DPP10: variants seen among roughly 807,000 people sequenced by gnomAD.
DPP10 encodes dipeptidyl peptidase like 10.
DPP10 carries 33 observed loss-of-function variants against 120.9 expected under a neutral mutation model. The observed-to-expected ratio is 0.27, with a 90% CI of 0.21 to 0.37. The LOEUF is 0.37. Among genes scored for constraint, DPP10 ranks in the 10% least tolerant of loss-of-function variants. DPP10 has a pLI of 1.00. For missense variants in DPP10, 816 were observed against 942.8 expected (o/e 0.87, Z 1.76); for synonymous variants, 337 against 326.1 (o/e 1.03, Z -0.36).
chr2:115,561,813 G>T (rs1352082861), intron 5 of DPP10, among the ~76,000 whole-genome samples: 1 of 152,036 alleles, frequency 6.6e-6, no homozygotes, highest in African/African-American at 2.4e-5. Flanking sequence ...TATATTTGGG[G>T]GTTTAAATAA....
intron 19 of DPP10, among the ~76,000 whole-genome samples, chr2:115,814,374 C>G (rs937288099): frequency 1.3e-5 from 2 of 152,000 alleles, no homozygotes; most frequent in Non-Finnish European, 2.9e-5. Context: ...ATAACTGGTT[C>G]TGCCCTTCAG....
At chr2:115,025,410 A>G (rs7564424) in intron 1 of DPP10, among the ~76,000 whole-genome samples, 2,152 of 152,238 alleles carry the variant, frequency 0.014, 55 homozygotes, top group African/African-American at 0.047. Context: ...CCATTGATGG[A>G]CACTTAAGTT....
chr2:115,348,906 G>A (rs1054057668), intron 3 of DPP10, among the ~76,000 whole-genome samples: 11 of 152,040 alleles, frequency 7.2e-5, no homozygotes, highest in African/African-American at 2.7e-4. Flanking sequence ...ATTTTTAAAT[G>A]TGTACCCACA....
intron 1 of DPP10, among the ~76,000 whole-genome samples, chr2:114,789,167 TG>T (rs1286331127): frequency 1.3e-5 from 2 of 151,924 alleles, no homozygotes; most frequent in African/African-American, 4.8e-5. Context: ...GCGCCATCAC[TG>T]GGATAGTTTT....
intron 1 of DPP10, among the ~76,000 whole-genome samples, chr2:114,960,313 A>T (rs1213516667): frequency 2.0e-5 from 3 of 151,492 alleles, no homozygotes; most frequent in Non-Finnish European, 2.9e-5. Context: ...TGATAGAGGA[A>T]TATGAATTTA....
intron 5 of DPP10, among the ~76,000 whole-genome samples, chr2:115,562,572 T>C (rs2080757836): frequency 6.6e-6 from 1 of 152,196 alleles, no homozygotes; most frequent in African/African-American, 2.4e-5. Flanking sequence ...CCTCCTATTA[T>C]AATAAACATA....
chr2:114,980,829 AT>A (rs957530293), intron 1 of DPP10, among the ~76,000 whole-genome samples: 14 of 150,908 alleles, frequency 9.3e-5, no homozygotes, highest in East Asian at 5.8e-4. Flanking sequence ...CATATGCCTG[AT>A]TTTTTTTTAC....
At chr2:114,503,479 G>A (rs765114152) in intron 1 of DPP10, among the ~76,000 whole-genome samples, 2 of 152,116 alleles carry the variant, frequency 1.3e-5, no homozygotes, top group Admixed American at 6.5e-5. Context: ...TCAATGACAC[G>A]TTGGAGATGC....
In DPP10 at chr2:115,780,586, T is replaced by A. The variant is rs535014353; in HGVS notation, c.1362-288T>A. Among the ~76,000 whole-genome samples, 94 of 151,922 alleles carry A rather than the reference T, an allele frequency of 6.2e-4. 1 individual carries two copies. The South Asian group carries it at 0.019, about 31-fold the overall frequency. On this transcript the variant is annotated intron_variant, in intron 15 of 25. Transcript: ENST00000410059. ...GCAAAAAACAGTAAGTTAATTTGAG[T>A]TCCATTGAAATCAGTTCTTTGTTTA...
chr2:115,560,456 A>C (rs1238633552), intron 5 of DPP10, among the ~76,000 whole-genome samples: 2 of 108,604 alleles, frequency 1.8e-5, no homozygotes, highest in South Asian at 3.7e-4. Context: ...ACGACAAGCT[A>C]CTGATTTAAG....
intron 1 of DPP10, among the ~76,000 whole-genome samples, chr2:115,221,358 G>A (rs556523380): frequency 3.2e-4 from 49 of 152,202 alleles, no homozygotes; most frequent in African/African-American, 1.1e-3. Context: ...TAGGAATTCA[G>A]GTTTGTTGCT....
In DPP10 at chr2:115,210,705, A is replaced by G. The variant is rs575243510; in HGVS notation, c.61-98534A>G. ...GTTGTTTCCTGACTTTTTAATGATC[A>G]CCATTCTAACTGGTGTGAGATGGTA... is the stretch of plus-strand genomic sequence containing the variant. On this transcript the variant is annotated intron_variant, in intron 1 of 25. Transcript: ENST00000410059. 5.0e-3 allele frequency among the ~76,000 whole-genome samples: 765 copies of G among 152,120 alleles called. 5 individuals carry two copies. Among genetic ancestry groups the G allele is most frequent in the African/African-American group, 0.017 (699 of 41,502 alleles).
In DPP10 at chr2:115,510,550, C is replaced by T. The variant is rs139963237; in HGVS notation, c.366+10946C>T. ...AGAAGTTCAGTCTTGACTGTTGTAG[C>T]TATGTGGTGAGACTTGTAATCAAGA... On this transcript the variant is annotated intron_variant, in intron 4 of 25. Transcript: ENST00000410059. 3.1e-3 allele frequency among the ~76,000 whole-genome samples: 474 copies of T among 152,146 alleles called. 3 individuals carry two copies. The highest frequency in any genetic ancestry group is 0.011 in the African/African-American group (449 of 41,528).
At chr2:114,474,682 T>C (rs1680224724) in intron 1 of DPP10, among the ~76,000 whole-genome samples, 1 of 151,938 alleles carries the variant, frequency 6.6e-6, no homozygotes, top group Non-Finnish European at 1.5e-5. Flanking sequence ...CATCCTAAGG[T>C]GGGAAAAACT....
intron 1 of DPP10, among the ~76,000 whole-genome samples, chr2:114,609,556 T>A (rs1234099314): frequency 2.0e-5 from 3 of 152,134 alleles, no homozygotes; most frequent in African/African-American, 7.2e-5. Flanking sequence ...GAGGCAAAAG[T>A]GATACCTAGT....
chr2:114,841,487 G>A (rs1033286882), intron 1 of DPP10, among the ~76,000 whole-genome samples: 7 of 152,170 alleles, frequency 4.6e-5, no homozygotes, highest in Admixed American at 1.3e-4. Flanking sequence ...ACTAGATTCA[G>A]CAAATGAAAC....
chr2:114,808,310 T>G (rs1684905034), intron 1 of DPP10, among the ~76,000 whole-genome samples: 1 of 152,208 alleles, frequency 6.6e-6, no homozygotes, highest in Admixed American at 6.5e-5. Context: ...TTTGAACTAT[T>G]ATGAACAATA....
rs200151039 is a variant in DPP10, at chr2:114,689,593, TACTC to T, written c.60+246757_60+246760del. On this transcript the variant is annotated intron_variant, in intron 1 of 25. Transcript: ENST00000410059. ...TATAATTTATATTCCTTTGTGTACATACTCAGTAATAGGATTGCTGGGTCAAATA... is the reference window on the plus strand; with the variant it reads ...TATAATTTATATTCCTTTGTGTACATAGTAATAGGATTGCTGGGTCAAATA... 1.5e-4 allele frequency among the ~76,000 whole-genome samples: 23 copies of T among 152,222 alleles called. No homozygotes were observed. The East Asian group carries it at 3.7e-3, about 24-fold the overall frequency.
intron 5 of DPP10, among the ~76,000 whole-genome samples, chr2:115,565,273 A>G (rs2080928762): frequency 6.6e-6 from 1 of 152,080 alleles, no homozygotes; most frequent in Non-Finnish European, 1.5e-5. Flanking sequence ...AATACTATAA[A>G]CCCTTCACCC....
Sources: allele counts gnomAD v4.1 joint callset (sites outside exome capture counted in the v4.1 genomes callset), GRCh38; gene constraint gnomAD v4.1.1; transcripts MANE v1.5; gene names NCBI Gene and HGNC (gene_info 2026-07-23, HGNC 2026-07-21).